ERBB4: variants seen among roughly 807,000 people sequenced by gnomAD.
ERBB4 encodes erb-b2 receptor tyrosine kinase 4.
Under a neutral mutation model 158.0 loss-of-function variants are expected in ERBB4, and 42 were observed. The observed-to-expected ratio is 0.27, with a 90% CI of 0.21 to 0.34. ERBB4 has a LOEUF of 0.34. Among genes scored for constraint, ERBB4 ranks in the 10% least tolerant of loss-of-function variants. ERBB4 has a pLI of 1.00. For missense variants in ERBB4, 1,333 were observed against 1,624.1 expected, an observed-to-expected ratio of 0.82 and a Z score of 3.08; for synonymous variants, 583 against 558.7, an observed-to-expected ratio of 1.04 and a Z score of -0.61.
chr2:211,810,161 A>G lies in ERBB4; in HGVS notation c.422-22002T>C, dbSNP rs113633647. ...TGATGTGGTGCTGAGAAGAATGTAT[A>G]TTCTGTTGATTTGGGGAAGCGAGTT... is the stretch of plus-strand genomic sequence containing the variant. On this transcript the variant is annotated intron_variant, in intron 3 of 27. Transcript: ENST00000342788. 6.5e-3 allele frequency among the ~76,000 whole-genome samples: 988 copies of G among 152,292 alleles called. 14 individuals are homozygous for G. Among genetic ancestry groups the G allele is most frequent in the African/African-American group, 0.022 (907 of 41,556 alleles).
At chr2:211,386,700 C>G (rs181327995) in intron 27 of ERBB4, among the ~76,000 whole-genome samples, 153 bp downstream of exon 27, 110 of 152,306 alleles carry the variant, frequency 7.2e-4, no homozygotes, top group African/African-American at 2.6e-3. Context: ...GCTGCTGATT[C>G]AGGGACCATA....
Position 212,408,677 on chromosome 2 carries a change from C to T in ERBB4, c.82+129772G>A, listed in dbSNP as rs369344689. Among the ~76,000 whole-genome samples, 3 of 152,170 alleles carry T rather than the reference C, an allele frequency of 2.0e-5. No homozygotes were observed. In the East Asian group the frequency reaches 5.8e-4, roughly 29 times the overall value. Reference sequence around the variant, plus strand: ...TCTTACAAAAAAGAAAATACTGATGCTGACACCACCACCGCCCTCTTAACC... The same window carrying T: ...TCTTACAAAAAAGAAAATACTGATGTTGACACCACCACCGCCCTCTTAACC... On this transcript the variant is annotated intron_variant, in intron 1 of 27. Transcript: ENST00000342788.
At chr2:212,110,889 G>A (rs757743408) in intron 2 of ERBB4, among the ~76,000 whole-genome samples, 7 of 152,164 alleles carry the variant, frequency 4.6e-5, no homozygotes, top group Non-Finnish European at 4.4e-5. Flanking sequence ...AAATGCAGTG[G>A]TCATCTAGTC....
At chr2:211,663,395 T>G (rs1574946285) in intron 15 of ERBB4, among the ~76,000 whole-genome samples, 1 of 152,174 alleles carries the variant, frequency 6.6e-6, no homozygotes, top group Non-Finnish European at 1.5e-5. Context: ...ATATTCAAAT[T>G]CTGTCTCAAC....
chr2:211,394,015 C>CTATT (rs1354684756), intron 25 of ERBB4, among the ~76,000 whole-genome samples: 2 of 152,032 alleles, frequency 1.3e-5, no homozygotes, highest in Non-Finnish European at 2.9e-5. Flanking sequence ...GGTAAGTAAG[C>CTATT]TATTGTATCC....
At chr2:211,521,828 AAAC>A (rs1332117304) in intron 20 of ERBB4, among the ~76,000 whole-genome samples, 1 of 152,266 alleles carries the variant, frequency 6.6e-6, no homozygotes, top group African/African-American at 2.4e-5. Flanking sequence ...TCTATAAACG[AAAC>A]AACAAGGCCC....
intron 1 of ERBB4, among the ~76,000 whole-genome samples, chr2:212,505,630 G>A (rs1691152455): frequency 6.7e-6 from 1 of 149,090 alleles, no homozygotes; most frequent in South Asian, 2.1e-4. Context: ...GAGAAACCTT[G>A]ACGGATGATA....
chr2:212,023,440 G>A (rs1340787345), intron 2 of ERBB4, among the ~76,000 whole-genome samples: 1 of 151,946 alleles, frequency 6.6e-6, no homozygotes, highest in African/African-American at 2.4e-5. Context: ...AGCTTTAAAT[G>A]ATAGACAGGG....
chr2:212,034,438 G>A (rs937602322), intron 2 of ERBB4, among the ~76,000 whole-genome samples: 28 of 151,980 alleles, frequency 1.8e-4, no homozygotes, highest in Non-Finnish European at 5.9e-5. Flanking sequence ...AGGAATAGTG[G>A]TTATGATTCC....
intron 2 of ERBB4, among the ~76,000 whole-genome samples, chr2:212,031,564 C>T (rs529297667): frequency 1.3e-5 from 2 of 152,266 alleles, no homozygotes; most frequent in South Asian, 4.1e-4. Context: ...TGTAAACAAT[C>T]ACACTACGTG....
chr2:211,640,415 A>G (rs1016108914), intron 16 of ERBB4, among the ~76,000 whole-genome samples: 1 of 152,102 alleles, frequency 6.6e-6, no homozygotes, highest in South Asian at 2.1e-4. Context: ...ATTTTTGGAC[A>G]TCTATCTAGA....
chr2:212,134,449 T>C (rs1395144075), intron 1 of ERBB4, among the ~76,000 whole-genome samples: 2 of 151,994 alleles, frequency 1.3e-5, no homozygotes, highest in Non-Finnish European at 1.5e-5. Context: ...AGAAATTTCA[T>C]ATTCTACATA....
chr2:211,746,498 A>T (rs1240763140), intron 5 of ERBB4, among the ~76,000 whole-genome samples: 1 of 152,018 alleles, frequency 6.6e-6, no homozygotes, highest in Non-Finnish European at 1.5e-5. Flanking sequence ...TTTCTTAGTC[A>T]AGACTTCCTC....
intron 2 of ERBB4, among the ~76,000 whole-genome samples, chr2:212,082,270 G>A (rs1323520482): frequency 6.6e-6 from 1 of 151,808 alleles, no homozygotes; most frequent in Admixed American, 6.6e-5. Flanking sequence ...ATATTTATAT[G>A]GTCACATATG....
rs184961362 is a variant in ERBB4 at position 211,653,882 on chromosome 2, G to A, written c.1946+3872C>T. 5.3e-5 allele frequency among the ~76,000 whole-genome samples: 8 copies of A among 152,066 alleles called. No individual in the cohort carries two copies. In the South Asian group the frequency reaches 8.3e-4, roughly 16 times the overall value. On this transcript the variant is annotated intron_variant, in intron 16 of 27. Coordinates refer to ENST00000342788, the MANE Select transcript of ERBB4 (RefSeq NM_005235.3). The stretch of plus-strand genomic sequence containing the variant: ...GTAGAGATGGGGTTTCACCGTGTTA[G>A]CCAGGCTTGTCTCGTTCGCCTGACC...
At chr2:211,407,177 A>G (rs1278846491) in intron 25 of ERBB4, among the ~76,000 whole-genome samples, 2 of 152,324 alleles carry the variant, frequency 1.3e-5, no homozygotes, top group South Asian at 2.1e-4. Flanking sequence ...TTGGCAAAAG[A>G]TAAGTGATAA....
At chr2:211,580,823 ATT>A (rs1491126411) in intron 19 of ERBB4, among the ~76,000 whole-genome samples, 2 of 45,108 alleles carry the variant, frequency 4.4e-5, no homozygotes, top group Non-Finnish European at 1.1e-4. Flanking sequence ...ATATATATAT[ATT>A]ATATATATAG....
chr2:211,625,768 C>A (rs2069820217), intron 17 of ERBB4, among the ~76,000 whole-genome samples: 2 of 152,050 alleles, frequency 1.3e-5, no homozygotes, highest in Non-Finnish European at 2.9e-5. Flanking sequence ...TTTTAAAAAT[C>A]ATATACAAAA....
intron 19 of ERBB4, among the ~76,000 whole-genome samples, chr2:211,606,464 C>G (rs1173925784): frequency 6.6e-6 from 1 of 151,352 alleles, no homozygotes; most frequent in Non-Finnish European, 1.5e-5. Context: ...TTTCTATAGG[C>G]TGTTACTTTA....
Sources: allele counts gnomAD v4.1 joint callset (sites outside exome capture counted in the v4.1 genomes callset), GRCh38; gene constraint gnomAD v4.1.1; transcripts MANE v1.5; gene names NCBI Gene and HGNC (gene_info 2026-07-23, HGNC 2026-07-21).